Variants in C12orf57 observed in about 807,000 individuals in gnomAD.
C12orf57 encodes chromosome 12 open reading frame 57.
C12orf57 carries 14 observed loss-of-function variants against 11.3 expected under a neutral mutation model. The ratio of observed to expected loss-of-function variants is 1.24; its 90% CI spans 0.82 to 1.94. The LOEUF (loss-of-function observed/expected upper bound fraction) is 1.94. C12orf57 is among the 30% of genes most tolerant of loss of function. The pLI, the probability that C12orf57 is intolerant of heterozygous loss-of-function variation, is 0.00. For synonymous variants in C12orf57, 100 were observed against 74.6 expected (o/e 1.34, Z -1.76); for missense variants, 229 against 172.4 (o/e 1.33, Z -1.84).
rs113296395 is a variant in C12orf57 at position 6,944,119 on chromosome 12, C to A, written c.-3C>A. The A allele has an allele frequency of 6.2e-6, 10 of 1,614,208 alleles. No homozygotes were observed. The highest frequency in any genetic ancestry group is 2.2e-5 in the East Asian group (1 of 44,890). On this transcript the variant is annotated 5_prime_UTR_variant, in exon 1 of 3. Coordinates refer to ENST00000229281, the MANE Select transcript of C12orf57 (RefSeq NM_138425.4). The stretch of plus-strand genomic sequence containing the variant: ...CCGCTGAACCTAGAGCTTCAGACGC[C>A]CTATGGCGTCCGCCTCGACCCAACC...
In C12orf57 at chr12:6,944,255, C is replaced by T. The variant is rs1401757711; in HGVS notation, c.52+82C>T. On this transcript the variant is annotated intron_variant, in intron 1 of 2. Transcript: ENST00000229281. ...GCTGCTGGTCTGGGGAGGATGCGGG[C>T]GGAGGATGTGGGGCGACAAACCTGG... 5.0e-6 allele frequency: 8 copies of T among 1,608,952 alleles called. No homozygotes were observed. In the African/African-American group the frequency reaches 9.4e-5, roughly 19 times the overall value.
Position 6,944,149 on chromosome 12 carries a change from G to A in C12orf57, c.28G>A (p.Ala10Thr), listed in dbSNP as rs782077846. 6.8e-6 allele frequency: 11 copies of A among 1,614,134 alleles called. No individual in the cohort carries two copies. The highest frequency in any genetic ancestry group is 2.2e-5 in the South Asian group (2 of 91,094). Residue 10 changes from alanine to threonine, a missense_variant, in exon 1 of 3, where the codon GCC becomes ACC. Physicochemically the swap from Ala to Thr is moderately conservative, Grantham distance 58 (BLOSUM62 0). Transcript: ENST00000229281. MASASTQPAALSAEQAKVVL... is the reference protein window; with the variant it reads MASASTQPATLSAEQAKVVL... ...GGCGTCCGCCTCGACCCAACCGGCG[G>A]CCTTGAGCGCTGAGCAAGCAAAGGG...
Position 6,944,191 on chromosome 12 carries a change from CAAGGCATAGGCTGCTGGCCTGGGG to C in C12orf57, c.52+19_52+42del. 6.4e-7 allele frequency: 1 copy of C among 1,565,982 alleles called. No homozygotes were observed. Among genetic ancestry groups the C allele is most frequent in the Non-Finnish European group, 8.8e-7 (1 of 1,140,654 alleles). Reference sequence around the variant, plus strand: ...AGCAAAGGGTGAGAATCGTCCTAGTCAAGGCATAGGCTGCTGGCCTGGGGTAGTCAAGGCATGGGCTGCTGGTCT... The same window carrying C: ...AGCAAAGGGTGAGAATCGTCCTAGTCTAGTCAAGGCATGGGCTGCTGGTCT... On this transcript the variant is annotated intron_variant, in intron 1 of 2. Coordinates refer to ENST00000229281, the MANE Select transcript of C12orf57 (RefSeq NM_138425.4).
chr12:6,944,287 C>A, intron 1 of C12orf57, 114 bp downstream of exon 1: 1 of 1,598,612 alleles, frequency 6.3e-7, no homozygotes, highest in Non-Finnish European at 8.5e-7. Context: ...CTGGCTACGT[C>A]CGCCGGGAAA....
chr12:6,944,025 T>C lies in C12orf57; in HGVS notation c.-97T>C, dbSNP rs1555145712. The C allele has an allele frequency of 1.7e-5, 28 of 1,607,602 alleles. No homozygotes were observed. Among genetic ancestry groups the C allele is most frequent in the Admixed American group, 1.2e-4 (7 of 59,750 alleles). On this transcript the variant is annotated 5_prime_UTR_variant, in exon 1 of 3. Transcript: ENST00000229281. ...CCGGCTGCGCCGGATGCTGTTTCCTTTCCGCTCCCAGGGGCGTTGGGAACG... is the reference window on the plus strand; with the variant it reads ...CCGGCTGCGCCGGATGCTGTTTCCTCTCCGCTCCCAGGGGCGTTGGGAACG...
intron 2 of C12orf57, chr12:6,944,909 G>C: frequency 7.3e-7 from 1 of 1,370,386 alleles, no homozygotes; most frequent in Non-Finnish European, 9.5e-7. Context: ...GGTTTTTTCA[G>C]ATTTCGGAAT....
At chr12:6,943,829 C>CT (rs1945692407), upstream of C12orf57, 6 of 871,734 alleles carry the variant, frequency 6.9e-6, no homozygotes, top group East Asian at 7.2e-5. Context: ...TGTTACAGCT[C>CT]TTTTAGAATT....
Position 6,945,701 on chromosome 12 carries a change from C to T in C12orf57, c.230-70C>T, listed in dbSNP as rs151099563. On this transcript the variant is annotated intron_variant, in intron 2 of 2. Transcript: ENST00000229281. ...GGGGGAGCAGTTCATGCTTAGACTACCACCCCCTCCAGGTGTCTTAGGCAC... is the reference window on the plus strand; with the variant it reads ...GGGGGAGCAGTTCATGCTTAGACTATCACCCCCTCCAGGTGTCTTAGGCAC... The T allele has an allele frequency of 9.8e-4, 1,498 of 1,531,822 alleles. 17 individuals carry two copies. The South Asian group carries it at 0.011, about 11-fold the overall frequency. The allele number at this position is 1,531,822 out of a possible 1,614,324, so 94.9% of individuals were successfully genotyped here. A position where few individuals can be genotyped will look rare whatever the true frequency, so the allele number is the denominator to read the frequency against.
chr12:6,943,856 T>TAGG, upstream of C12orf57: 2 of 932,398 alleles, frequency 2.1e-6, no homozygotes, highest in Non-Finnish European at 3.0e-6. Flanking sequence ...GTAGGCTTTC[T>TAGG]GGCTTTTTAC....
rs1555146046 is a variant in C12orf57 at position 6,944,577 on chromosome 12, C to T, written c.154C>T (p.Gln52Ter). 2 of 1,614,040 alleles carry T rather than the reference C, an allele frequency of 1.2e-6. No individual in the cohort carries two copies. The highest frequency in any genetic ancestry group is 1.7e-6 in the Non-Finnish European group (2 of 1,180,044). The change falls in exon 2 of 3, where the codon CAA becomes TAA. Residue 52 changes from glutamine to a stop codon, truncating the protein, a stop_gained. Coordinates refer to ENST00000229281, the MANE Select transcript of C12orf57 (RefSeq NM_138425.4). LOFTEE classifies it high-confidence loss of function. ...CTGCAACGACATGGGTAAGATGCTGCAATTCGTGCTGCCCGTGGCCACGCA... is the reference window on the plus strand; with the variant it reads ...CTGCAACGACATGGGTAAGATGCTGTAATTCGTGCTGCCCGTGGCCACGCA... Reference protein sequence around the residue: ...NACNDMGKMLQFVLPVATQIQ... With the variant: ...NACNDMGKML
At chr12:6,945,703 A>G in intron 2 of C12orf57, 68 bp from the exon 3 acceptor site, 1 of 1,535,270 alleles carries the variant, frequency 6.5e-7, no homozygotes, top group Non-Finnish European at 8.9e-7. Flanking sequence ...TTAGACTACC[A>G]CCCCCTCCAG....
upstream of C12orf57, chr12:6,944,002 G>A (rs1190034756): frequency 9.4e-6 from 15 of 1,591,150 alleles, no homozygotes; most frequent in African/African-American, 2.7e-5. Flanking sequence ...GGGCGCTTCC[G>A]GCTGCGCCGG....
upstream of C12orf57, chr12:6,943,891 G>A (rs909670975): frequency 8.4e-5 from 90 of 1,066,988 alleles, no homozygotes; most frequent in African/African-American, 4.2e-4. Flanking sequence ...TATGATGTTT[G>A]TTGCCAATGA....
rs1211893356 is a variant in C12orf57 at position 6,944,135 on chromosome 12, C to G, written c.14C>G (p.Ser5Trp). Residue 5 changes from serine to tryptophan, a missense_variant, in exon 1 of 3, where the codon TCG becomes TGG. Transcript: ENST00000229281. ...TTCAGACGCCCTATGGCGTCCGCCT[C>G]GACCCAACCGGCGGCCTTGAGCGCT... MASASTQPAALSAEQ... is the reference protein window; with the variant it reads MASAWTQPAALSAEQ... 8 of 1,614,118 alleles carry G rather than the reference C, an allele frequency of 5.0e-6. No individual in the cohort carries two copies. Among genetic ancestry groups the G allele is most frequent in the Non-Finnish European group, 5.1e-6 (6 of 1,180,048 alleles).
chr12:6,944,437 C>T (rs1565574652), intron 1 of C12orf57, 39 bp from the exon 2 acceptor site: 2 of 1,599,200 alleles, frequency 1.3e-6, no homozygotes, highest in East Asian at 2.3e-5. Flanking sequence ...TCTCCGACGC[C>T]TACCCGGGAC....
upstream of C12orf57, chr12:6,943,759 C>A: frequency 8.9e-7 from 1 of 1,122,020 alleles, no homozygotes; most frequent in African/African-American, 1.6e-5. Context: ...CCTAAGCTCA[C>A]CCTCATCAAT....
rs782077846 is a variant in C12orf57, at chr12:6,944,149, G to C, written c.28G>C (p.Ala10Pro). Residue 10 changes from alanine (A) to proline (P), a missense_variant, in exon 1 of 3, where the codon GCC becomes CCC. Ala to Pro is a conservative substitution (Grantham distance 27, BLOSUM62 -1). Transcript: ENST00000229281. MASASTQPA[A>P]LSAEQAKVVL... is the part of the protein sequence containing the mutation. ...GGCGTCCGCCTCGACCCAACCGGCG[G>C]CCTTGAGCGCTGAGCAAGCAAAGGG... 5.6e-6 allele frequency: 9 copies of C among 1,614,134 alleles called. No homozygotes were observed. The Admixed American group carries it at 1.0e-4, about 18-fold the overall frequency.
chr12:6,943,676 A>ATCCC (rs1686951149), upstream of C12orf57: 1 of 1,283,068 alleles, frequency 7.8e-7, no homozygotes, highest in Non-Finnish European at 1.0e-6. Flanking sequence ...AGTTCCTTAG[A>ATCCC]ATATTATTTT....
In C12orf57 at chr12:6,945,813, A is replaced by C; in HGVS notation, c.272A>C (p.Gln91Pro). Residue 91 changes from glutamine (Q) to proline (P), a missense_variant, in exon 3 of 3, where the codon CAG becomes CCG. Coordinates refer to ENST00000229281, the MANE Select transcript of C12orf57 (RefSeq NM_138425.4). ...FARLVKSYEA[Q>P]DPEIASLSGK... ...CGCTTGGTCAAGTCCTACGAAGCCC[A>C]GGATCCTGAGATCGCCAGCCTGTCA... is the stretch of plus-strand genomic sequence containing the variant. 1.9e-6 allele frequency: 3 copies of C among 1,613,820 alleles called. No individual in the cohort carries two copies. Among genetic ancestry groups the C allele is most frequent in the Non-Finnish European group, 1.7e-6 (2 of 1,179,908 alleles).
Sources: gnomAD v4.1 joint callset for allele counts on GRCh38, gnomAD v4.1.1 for gene constraint, MANE v1.5 for transcripts, NCBI Gene and HGNC (gene_info 2026-07-23, HGNC 2026-07-21) for gene names.